The following DHTKD1 variants were observed in gnomAD, a reference collection of about 807,000 sequenced individuals.
DHTKD1 encodes the protein dehydrogenase E1 and transketolase domain containing 1, also known as 2-oxoadipate dehydrogenase complex component E1.
DHTKD1 carries 78 observed loss-of-function variants against 101.8 expected under a neutral mutation model. The observed-to-expected ratio is 0.77, with a 90% CI of 0.64 to 0.93. The LOEUF is 0.93. Ranked by LOEUF, DHTKD1 falls within the 40% of genes least tolerant of loss-of-function variation. The probability of loss-of-function intolerance (pLI) is 0.00; values close to 1 mark genes in which losing one functional copy is unlikely to be tolerated. For missense variants in DHTKD1, 1,223 were observed against 1,161.7 expected (o/e 1.05, Z -0.77); for synonymous variants, 462 against 450.3 (o/e 1.03, Z -0.33).
intron 10 of DHTKD1, 112 bp from the exon 11 acceptor site, chr10:12,106,134 G>C: frequency 3.7e-6 from 4 of 1,093,200 alleles, no homozygotes; most frequent in Non-Finnish European, 5.4e-6. Context: ...ATGTGGTGAT[G>C]AACGAGAGCA....
intron 8 of DHTKD1, among the ~76,000 whole-genome samples, chr10:12,098,854 CA>C (rs1337972525): frequency 1.3e-5 from 2 of 152,194 alleles, no homozygotes; most frequent in African/African-American, 4.8e-5. Context: ...TGTGAGCCAC[CA>C]TGCCTAACAT....
Position 12,117,749 on chromosome 10 carries a change from C to A in DHTKD1, c.2396C>A (p.Pro799Gln). The change falls in exon 14 of 17, where the codon CCA becomes CAA. Residue 799 changes from proline to glutamine, a missense_variant. Coordinates refer to ENST00000263035, the MANE Select transcript of DHTKD1 (RefSeq NM_018706.7). ...NPVIGDSSVD[P>Q]KKVKTLVFCS... ...GTCATTGGTGATTCATCTGTGGATC[C>A]AAAAAAGTAAGATATGTATCTCTGT... The A allele has an allele frequency of 6.3e-7, 1 of 1,576,920 alleles. No homozygotes were observed. The highest frequency in any genetic ancestry group is 8.7e-7 in the Non-Finnish European group (1 of 1,154,172).
intron 1 of DHTKD1, among the ~76,000 whole-genome samples, chr10:12,080,710 G>GA (rs35514505): frequency 4.0e-4 from 54 of 136,288 alleles, no homozygotes; most frequent in Admixed American, 6.6e-4. Context: ...GACAATGTCT[G>GA]AAAAAAAAAA....
chr10:12,112,287 C>T (rs549522353), intron 12 of DHTKD1, among the ~76,000 whole-genome samples: 35 of 152,160 alleles, frequency 2.3e-4, no homozygotes, highest in Admixed American at 2.0e-3. Context: ...TGAACTCCAG[C>T]CTGGGTGAGA....
At chr10:12,081,834 A>C (rs1310513890) in intron 2 of DHTKD1, among the ~76,000 whole-genome samples, 3 of 151,928 alleles carry the variant, frequency 2.0e-5, no homozygotes, top group African/African-American at 7.3e-5. Flanking sequence ...AGGTTCAAAA[A>C]CATTTAATTG....
In DHTKD1 at chr10:12,087,401, T is replaced by C. The variant is rs966423153; in HGVS notation, c.523-134T>C. On this transcript the variant is annotated intron_variant, in intron 3 of 16. Transcript: ENST00000263035. The surrounding 1 kb of genome is among the most constrained non-coding windows in gnomAD (Gnocchi z 5.2). ...GTCCGTGTTATGTCTCTCTCCGGGA[T>C]ATGTAGTAAAGTGGCATTGCTGTGG... The C allele has an allele frequency of 1.5e-6, 1 of 652,064 alleles. No homozygotes were observed. The allele number at this position is 652,064 out of a possible 1,614,324, so 40.4% of individuals were successfully genotyped here.
intron 6 of DHTKD1, among the ~76,000 whole-genome samples, chr10:12,092,488 T>C (rs1422944073): frequency 6.6e-6 from 1 of 151,948 alleles, no homozygotes. Context: ...CCACTAAACT[T>C]GGTGAAATAG....
rs1026548323 is a variant in DHTKD1 at position 12,099,529 on chromosome 10, A to C, written c.1672-649A>C. 3.0e-4 allele frequency among the ~76,000 whole-genome samples: 45 copies of C among 152,024 alleles called. 1 individual carries two copies. The highest frequency in any genetic ancestry group is 3.0e-3 in the Admixed American group (45 of 15,222). On this transcript the variant is annotated intron_variant, in intron 8 of 16. Transcript: ENST00000263035. ...TGGCGAAACCCCTTCTCCACTAAAA[A>C]GTACAAAAATTAGCTGGGCGTGGTG...
intron 3 of DHTKD1, among the ~76,000 whole-genome samples, chr10:12,085,750 G>C (rs1022561900): frequency 6.6e-6 from 1 of 151,960 alleles, no homozygotes; most frequent in Non-Finnish European, 1.5e-5. Context: ...AGCCTGATGT[G>C]GTGGAGCATA....
At position 12,087,847 on chromosome 10, in the gene DHTKD1, C is replaced by A; in HGVS notation, c.717+118C>A. The A allele has an allele frequency of 1.1e-6, 1 of 894,284 alleles. No individual in the cohort carries two copies. The highest frequency in any genetic ancestry group is 2.1e-5 in the South Asian group (1 of 47,654). 55.4% of individuals were successfully genotyped at this position (894,284 alleles called of 1,614,324 possible). A position where few individuals can be genotyped will look rare whatever the true frequency, so the allele number is the denominator to read the frequency against. ...ATGGTGATGGCCGGGCACTGTGGCT[C>A]ACACCTGCAATCCCAGCCTGTTGGG... is the stretch of plus-strand genomic sequence containing the variant. On this transcript the variant is annotated intron_variant, in intron 4 of 16. Coordinates refer to ENST00000263035, the MANE Select transcript of DHTKD1 (RefSeq NM_018706.7). The surrounding 1 kb of genome is among the most constrained non-coding windows in gnomAD (Gnocchi z 5.2).
At position 12,103,073 on chromosome 10, in the gene DHTKD1, A is replaced by C. The variant is rs1486666262; in HGVS notation, c.1896+1892A>C. ...CCCTGTCTCTACTAAAAATACAAAA[A>C]TTAGTCGGGCATGGTGGCACACGCC... is the stretch of plus-strand genomic sequence containing the variant. On this transcript the variant is annotated intron_variant, in intron 10 of 16. Coordinates refer to ENST00000263035, the MANE Select transcript of DHTKD1 (RefSeq NM_018706.7). This position sits in a 1 kb window ranked among gnomAD's most constrained non-coding sequence, Gnocchi z 4.8. Among the ~76,000 whole-genome samples, 2 of 152,106 alleles carry C rather than the reference A, an allele frequency of 1.3e-5. No homozygotes were observed. Among genetic ancestry groups the C allele is most frequent in the African/African-American group, 4.8e-5 (2 of 41,440 alleles).
At chr10:12,114,207 G>A (rs1300434925) in intron 13 of DHTKD1, among the ~76,000 whole-genome samples, 1 of 151,754 alleles carries the variant, frequency 6.6e-6, no homozygotes, top group Admixed American at 6.6e-5. Context: ...AAATAGAAAT[G>A]TTCAAAATAA....
intron 10 of DHTKD1, among the ~76,000 whole-genome samples, chr10:12,102,384 A>T (rs893282886): frequency 3.4e-5 from 5 of 147,106 alleles, no homozygotes; most frequent in African/African-American, 1.3e-4. Context: ...AGAACACACC[A>T]CTGCACTCCA....
intron 1 of DHTKD1, among the ~76,000 whole-genome samples, chr10:12,080,712 A>G (rs1405261098): frequency 1.1e-4 from 5 of 44,818 alleles, no homozygotes; most frequent in Non-Finnish European, 8.7e-5. Flanking sequence ...CAATGTCTGA[A>G]AAAAAAAAAA....
At chr10:12,090,792 G>A (rs931271081) in intron 5 of DHTKD1, among the ~76,000 whole-genome samples, 1 of 152,128 alleles carries the variant, frequency 6.6e-6, no homozygotes, top group Non-Finnish European at 1.5e-5. Flanking sequence ...TGGCCTGATA[G>A]GGTGTTTCTA....
At chr10:12,109,205 T>C (rs904270835) in intron 12 of DHTKD1, among the ~76,000 whole-genome samples, 1 of 151,948 alleles carries the variant, frequency 6.6e-6, no homozygotes, top group Admixed American at 6.6e-5. Flanking sequence ...TCACCCCAAG[T>C]ACTTCAGCAT....
chr10:12,106,675 T>C (rs541973049), intron 11 of DHTKD1, among the ~76,000 whole-genome samples: 1 of 152,278 alleles, frequency 6.6e-6, no homozygotes, highest in South Asian at 2.1e-4. Flanking sequence ...CGCTCCAGTG[T>C]CTGAAAGCTT....
intron 10 of DHTKD1, among the ~76,000 whole-genome samples, chr10:12,105,312 C>T (rs1188651161): frequency 1.3e-5 from 2 of 151,744 alleles, no homozygotes; most frequent in African/African-American, 4.8e-5. Flanking sequence ...CACTTTGTTT[C>T]ATGATAATTT....
rs1302016369 is a variant in DHTKD1 at position 12,096,458 on chromosome 10, T to C, written c.1359-1226T>C. Among the ~76,000 whole-genome samples the C allele has an allele frequency of 2.0e-5, 3 of 152,162 alleles. 1 individual carries two copies. The South Asian group carries it at 6.2e-4, about 32-fold the overall frequency. ...TGTAGTGCAGTGGTATGATCACGGC[T>C]CACTGTAGCCTCGACTTCCTGGGCT... On this transcript the variant is annotated intron_variant, in intron 7 of 16. Coordinates refer to ENST00000263035, the MANE Select transcript of DHTKD1 (RefSeq NM_018706.7).
Sources: gnomAD v4.1 joint callset for allele counts (sites outside exome capture counted in the v4.1 genomes callset) on GRCh38, gnomAD v4.1.1 for gene constraint, Gnocchi (gnomAD v3.1) non-coding constraint, MANE v1.5 for transcripts, NCBI Gene and HGNC (gene_info 2026-07-23, HGNC 2026-07-21) for gene names.